The following WDFY4 variants were observed in gnomAD, a reference collection of about 807,000 sequenced individuals.
The protein encoded by WDFY4 is WDFY family member 4, also known as WD repeat- and FYVE domain-containing protein 4.
WDFY4 carries 169 observed loss-of-function variants against 351.9 expected under a neutral mutation model. The ratio of observed to expected loss-of-function variants is 0.48; its 90% CI spans 0.42 to 0.55. WDFY4 has a LOEUF of 0.55. Among genes scored for constraint, WDFY4 ranks in the 20% least tolerant of loss-of-function variants. WDFY4 has a pLI of 0.00. For missense variants in WDFY4, 3,803 were observed against 3,935.6 expected, an observed-to-expected ratio of 0.97 and a Z score of 0.90; for synonymous variants, 1,622 against 1,574.6, an observed-to-expected ratio of 1.03 and a Z score of -0.71.
intron 55 of WDFY4, 90 bp downstream of exon 55, chr10:48,966,763 C>A: frequency 6.8e-7 from 1 of 1,465,126 alleles, no homozygotes; most frequent in Non-Finnish European, 9.1e-7. Flanking sequence ...CACCACATAC[C>A]TGGGCAAAGT....
intron 47 of WDFY4, among the ~76,000 whole-genome samples, chr10:48,933,049 A>G (rs1352067697): frequency 2.6e-5 from 4 of 151,954 alleles, no homozygotes; most frequent in African/African-American, 7.3e-5. Flanking sequence ...AGGGAAGGAG[A>G]GTGATGGAGA....
intron 1 of WDFY4, 92 bp from the exon 2 acceptor site, chr10:48,709,624 C>G: frequency 1.8e-6 from 2 of 1,093,812 alleles, no homozygotes; most frequent in South Asian, 1.5e-5. Flanking sequence ...TCAATAGAAA[C>G]TGGGCTGAGT....
At chr10:48,804,832 C>T in intron 25 of WDFY4, 3 of 967,850 alleles carry the variant, frequency 3.1e-6, no homozygotes, top group Non-Finnish European at 3.7e-6. Context: ...AGTGGCGTGT[C>T]TCTCCACTTT....
intron 13 of WDFY4, among the ~76,000 whole-genome samples, chr10:48,762,729 C>G (rs188996815): frequency 6.6e-6 from 1 of 152,372 alleles, no homozygotes; most frequent in Non-Finnish European, 1.5e-5. Flanking sequence ...ACATAGCCCT[C>G]TCCATCTGGC....
chr10:48,842,310 GCAT>G (rs2068633747), intron 39 of WDFY4, among the ~76,000 whole-genome samples: 1 of 151,862 alleles, frequency 6.6e-6, no homozygotes, highest in Admixed American at 6.6e-5. Flanking sequence ...AGAAAGACAG[GCAT>G]CATCATTGCA....
chr10:48,811,257 G>A (rs554676859), intron 29 of WDFY4, among the ~76,000 whole-genome samples: 2 of 152,240 alleles, frequency 1.3e-5, no homozygotes, highest in Non-Finnish European at 2.9e-5. Context: ...TGTATATTTG[G>A]TTGAAACCCT....
chr10:48,982,152 G>T (rs17011579), intron 61 of WDFY4, among the ~76,000 whole-genome samples: 1 of 152,172 alleles, frequency 6.6e-6, no homozygotes, highest in Non-Finnish European at 1.5e-5. Flanking sequence ...GGCCAGAGCC[G>T]CACTTTTTGC....
chr10:48,730,204 G>T (rs775244026), intron 8 of WDFY4, among the ~76,000 whole-genome samples: 2 of 152,248 alleles, frequency 1.3e-5, no homozygotes, highest in Non-Finnish European at 2.9e-5. Context: ...TTGAGATGAA[G>T]GGAGAAAGTT....
intron 47 of WDFY4, among the ~76,000 whole-genome samples, chr10:48,917,024 A>G (rs968266762): frequency 4.6e-5 from 7 of 152,140 alleles, no homozygotes; most frequent in Non-Finnish European, 1.0e-4. Flanking sequence ...GTTTAGATAC[A>G]CAAATACTTA....
chr10:48,929,717 T>C (rs757672308), intron 47 of WDFY4, among the ~76,000 whole-genome samples: 130 of 152,204 alleles, frequency 8.5e-4, no homozygotes, highest in Non-Finnish European at 1.7e-3. Context: ...CATTTCTTCT[T>C]GGATGATGAT....
At chr10:48,697,159 C>T (rs1175712039) in intron 1 of WDFY4, among the ~76,000 whole-genome samples, 1 of 152,174 alleles carries the variant, frequency 6.6e-6, no homozygotes, top group African/African-American at 2.4e-5. Flanking sequence ...TTGAGGTGGG[C>T]CTGGAACACT....
intron 13 of WDFY4, among the ~76,000 whole-genome samples, chr10:48,766,095 A>G (rs1192752943): frequency 6.6e-6 from 1 of 152,242 alleles, no homozygotes; most frequent in East Asian, 1.9e-4. Flanking sequence ...GAAAAGAGCC[A>G]TTTCCACCAA....
Position 48,818,018 on chromosome 10 carries a change from T to C in WDFY4, c.5505+609T>C, listed in dbSNP as rs1162325526. On this transcript the variant is annotated intron_variant, in intron 32 of 61. Transcript: ENST00000325239. ...CAGCTAGGCCCAGCAGGTCAAAGCT[T>C]GGCTGGGTCAGGGCCGTGTGGGACT... Among the ~76,000 whole-genome samples the C allele has an allele frequency of 2.6e-5, 4 of 152,304 alleles. No homozygotes were observed. The East Asian group carries it at 7.7e-4, about 29-fold the overall frequency.
rs558817483 is a variant in WDFY4, at chr10:48,845,722, A to C, written c.6663+13013A>C. Among the ~76,000 whole-genome samples the C allele has an allele frequency of 1.5e-3, 229 of 152,236 alleles. 1 individual carries two copies. The highest frequency in any genetic ancestry group is 5.2e-3 in the African/African-American group (214 of 41,534). ...ACTCTCTCCCCAGAGGCTTTATGGT[A>C]CCTCTAGATGAGGATGTGTGCAATA... On this transcript the variant is annotated intron_variant, in intron 39 of 61. Coordinates refer to ENST00000325239, the MANE Select transcript of WDFY4 (RefSeq NM_001394531.1).
At chr10:48,876,773 T>A (rs2070029267) in intron 42 of WDFY4, among the ~76,000 whole-genome samples, 1 of 152,218 alleles carries the variant, frequency 6.6e-6, no homozygotes, top group Non-Finnish European at 1.5e-5. Flanking sequence ...TCACTGGAAG[T>A]GGCTGAACAG....
intron 35 of WDFY4, among the ~76,000 whole-genome samples, chr10:48,826,015 C>T (rs879972154): frequency 6.6e-6 from 1 of 152,156 alleles, no homozygotes; most frequent in Non-Finnish European, 1.5e-5. Context: ...ACATTTTCGT[C>T]ATGAAATCTT....
chr10:48,787,857 CTTTCTTCTTCTTTCTTCTTTCT>C lies in WDFY4; in HGVS notation c.3809-670_3809-649del, dbSNP rs1565197845. On this transcript the variant is annotated intron_variant, in intron 20 of 61. Transcript: ENST00000325239. Reference sequence around the variant, plus strand: ...TCTTCTTCTTCTTCTTCTTCTTCTTCTTTCTTCTTCTTTCTTCTTTCTTTCTTCTTCTTCTCCTTCTTCTTCT... The same window carrying C: ...TCTTCTTCTTCTTCTTCTTCTTCTTCTTCTTCTTCTTCTCCTTCTTCTTCT... Among the ~76,000 whole-genome samples the C allele has an allele frequency of 7.6e-3, 675 of 88,596 alleles. 72 individuals are homozygous for C. Among genetic ancestry groups the C allele is most frequent in the African/African-American group, 0.034 (641 of 18,948 alleles). The allele number at this position is 88,596 out of a possible 152,430, so 58.1% of individuals were successfully genotyped here.
At chr10:48,787,947 T>TCTTCTTCTTCTC (rs1565199163) in intron 20 of WDFY4, among the ~76,000 whole-genome samples, 22 of 85,726 alleles carry the variant, frequency 2.6e-4, no homozygotes, top group South Asian at 1.9e-3. Context: ...TTCTTCTTCT[T>TCTTCTTCTTCTC]CTTCTTCTTC....
At chr10:48,827,670 T>C (rs1333209795) in intron 36 of WDFY4, among the ~76,000 whole-genome samples, 2 of 151,262 alleles carry the variant, frequency 1.3e-5, no homozygotes, top group Admixed American at 1.3e-4. Flanking sequence ...TTGTCCTTTT[T>C]CTTCATTTTA....
Sources: gnomAD v4.1 joint callset for allele counts (sites outside exome capture counted in the v4.1 genomes callset) on GRCh38, gnomAD v4.1.1 for gene constraint, MANE v1.5 for transcripts, NCBI Gene and HGNC (gene_info 2026-07-23, HGNC 2026-07-21) for gene names.